Variants in CDH6 observed in about 807,000 individuals in gnomAD.
CDH6 encodes the protein cadherin 6.
A neutral mutation model predicts 78.0 loss-of-function variants in CDH6; 31 were observed. The ratio of observed to expected loss-of-function variants is 0.40; its 90% CI spans 0.30 to 0.54. The LOEUF (loss-of-function observed/expected upper bound fraction) is 0.54, where lower values mean the gene tolerates loss of function less well. CDH6 is among the 20% of genes least tolerant of loss of function. The pLI, the probability that CDH6 is intolerant of heterozygous loss-of-function variation, is 0.56. For missense variants in CDH6, 724 were observed against 975.9 expected (o/e 0.74, Z 3.44); for synonymous variants, 376 against 368.8 (o/e 1.02, Z -0.23).
chr5:31,214,722 G>A (rs1740817980), intron 1 of CDH6, among the ~76,000 whole-genome samples: 1 of 152,148 alleles, frequency 6.6e-6, no homozygotes, highest in Non-Finnish European at 1.5e-5. Flanking sequence ...TCCTGATAAA[G>A]TTTTGGAACC....
intron 1 of CDH6, among the ~76,000 whole-genome samples, chr5:31,233,183 T>C (rs1362926748): frequency 6.6e-6 from 1 of 151,782 alleles, no homozygotes; most frequent in African/African-American, 2.4e-5. Flanking sequence ...AATGCACACA[T>C]ATACACATAC....
rs889767279 is a variant in CDH6, at chr5:31,313,180, T to C, written c.1254-138T>C. On this transcript the variant is annotated intron_variant, in intron 7 of 11. Transcript: ENST00000265071. ...TAATGTCAGGTTGTAGATATTCAAATATGCACTAGAGATGGAAAAAAATTT... is the reference window on the plus strand; with the variant it reads ...TAATGTCAGGTTGTAGATATTCAAACATGCACTAGAGATGGAAAAAAATTT... The C allele has an allele frequency of 1.0e-5, 6 of 599,144 alleles. No homozygotes were observed. In the African/African-American group the frequency reaches 1.1e-4, roughly 11 times the overall value. The allele number at this position is 599,144 out of a possible 1,614,324, so 37.1% of individuals were successfully genotyped here.
intron 8 of CDH6, 28 bp from the exon 9 acceptor site, chr5:31,316,180 C>G: frequency 2.5e-6 from 4 of 1,588,866 alleles, no homozygotes; most frequent in Non-Finnish European, 3.4e-6. Context: ...ATGTAAATGC[C>G]TTTTTCTTTC....
chr5:31,221,187 C>T (rs1561029268), intron 1 of CDH6, among the ~76,000 whole-genome samples: 2 of 152,196 alleles, frequency 1.3e-5, no homozygotes, highest in Non-Finnish European at 2.9e-5. Context: ...CTCAGTCTGT[C>T]CCCAGTCACT....
intron 1 of CDH6, among the ~76,000 whole-genome samples, chr5:31,210,580 T>A (rs1218867600): frequency 6.6e-6 from 1 of 152,154 alleles, no homozygotes; most frequent in African/African-American, 2.4e-5. Flanking sequence ...GTCATCAGTA[T>A]CTGTAGAGAA....
At chr5:31,217,365 T>C (rs116620997) in intron 1 of CDH6, among the ~76,000 whole-genome samples, 2,160 of 152,260 alleles carry the variant, frequency 0.014, 39 homozygotes, top group African/African-American at 0.046. Context: ...ATTTTCTACA[T>C]CAAAAAGTAT....
chr5:31,215,719 G>A (rs540296844), intron 1 of CDH6, among the ~76,000 whole-genome samples: 222 of 152,234 alleles, frequency 1.5e-3, no homozygotes, highest in Non-Finnish European at 2.2e-3. Flanking sequence ...GAGTGAGCCT[G>A]AGAAATCTCT....
At chr5:31,309,774 G>C (rs1028536136) in intron 7 of CDH6, among the ~76,000 whole-genome samples, 1 of 152,226 alleles carries the variant, frequency 6.6e-6, no homozygotes, top group African/African-American at 2.4e-5. Flanking sequence ...AGCAGAAGGA[G>C]AAGAGGGAAA....
intron 1 of CDH6, among the ~76,000 whole-genome samples, chr5:31,266,088 T>C (rs1742346320): frequency 6.6e-6 from 1 of 152,126 alleles, no homozygotes. Flanking sequence ...GACAATGTTT[T>C]TTCTATATCA....
intron 2 of CDH6, among the ~76,000 whole-genome samples, chr5:31,287,863 C>A (rs1001085099): frequency 2.2e-4 from 33 of 152,190 alleles, no homozygotes; most frequent in African/African-American, 7.5e-4. Flanking sequence ...TGAGAACCAC[C>A]GACTTAGGGT....
At chr5:31,196,949 G>C (rs1030889894) in intron 1 of CDH6, among the ~76,000 whole-genome samples, 2 of 151,842 alleles carry the variant, frequency 1.3e-5, no homozygotes, top group Non-Finnish European at 2.9e-5. Flanking sequence ...CATGAAGAGC[G>C]CCGCCGCCCC....
intron 1 of CDH6, among the ~76,000 whole-genome samples, chr5:31,264,064 A>T (rs1236102342): frequency 6.6e-6 from 1 of 152,242 alleles, no homozygotes; most frequent in African/African-American, 2.4e-5. Context: ...CAAGTCACAC[A>T]GTATCTCTGC....
chr5:31,300,723 C>G (rs1179305985), intron 5 of CDH6, among the ~76,000 whole-genome samples: 1 of 152,192 alleles, frequency 6.6e-6, no homozygotes, highest in African/African-American at 2.4e-5. Flanking sequence ...TCACTCTGCT[C>G]TGCTTAGATA....
At chr5:31,290,421 T>C (rs1743125114) in intron 2 of CDH6, among the ~76,000 whole-genome samples, 1 of 152,202 alleles carries the variant, frequency 6.6e-6, no homozygotes, top group Non-Finnish European at 1.5e-5. Flanking sequence ...TGATGGTGAA[T>C]CGTTAAAAGT....
At chr5:31,295,747 C>A (rs999652972) in intron 3 of CDH6, among the ~76,000 whole-genome samples, 4 of 151,990 alleles carry the variant, frequency 2.6e-5, no homozygotes, top group African/African-American at 7.2e-5. Context: ...TAGCCCTGGG[C>A]AAATTATTTG....
chr5:31,253,030 T>G (rs551538082), intron 1 of CDH6, among the ~76,000 whole-genome samples: 9 of 152,366 alleles, frequency 5.9e-5, no homozygotes, highest in Non-Finnish European at 1.3e-4. Flanking sequence ...CAGAAATTTA[T>G]ATCTCAATGT....
chr5:31,224,796 A>C (rs1741103885), intron 1 of CDH6, among the ~76,000 whole-genome samples: 1 of 152,172 alleles, frequency 6.6e-6, no homozygotes, highest in Non-Finnish European at 1.5e-5. Flanking sequence ...CACCTTCCTC[A>C]GCGTCCCAAA....
intron 2 of CDH6, among the ~76,000 whole-genome samples, chr5:31,282,567 G>A (rs758726276): frequency 6.6e-6 from 1 of 152,144 alleles, no homozygotes; most frequent in African/African-American, 2.4e-5. Flanking sequence ...TTGATCACAT[G>A]TGTAAAGTTC....
At chr5:31,259,022 A>G (rs7705566) in intron 1 of CDH6, among the ~76,000 whole-genome samples, 40,870 of 152,126 alleles carry the variant, frequency 0.27, 6,033 homozygotes, top group African/African-American at 0.4. Context: ...TGCAGAAATC[A>G]GAAGAATGTT....
Sources: allele counts gnomAD v4.1 joint callset (sites outside exome capture counted in the v4.1 genomes callset), GRCh38; gene constraint gnomAD v4.1.1; transcripts MANE v1.5; gene names NCBI Gene and HGNC (gene_info 2026-07-23, HGNC 2026-07-21).